ADAMTS6: variants seen among roughly 807,000 people sequenced by gnomAD.
The protein encoded by ADAMTS6 is ADAM metallopeptidase with thrombospondin type 1 motif 6.
A neutral mutation model predicts 144.3 loss-of-function variants in ADAMTS6; 23 were observed. That is an observed-to-expected ratio of 0.16 (90% CI 0.11 to 0.23). The LOEUF is 0.23. Among genes scored for constraint, ADAMTS6 ranks in the 10% least tolerant of loss-of-function variants. ADAMTS6 has a pLI of 1.00. For missense variants in ADAMTS6, 999 were observed against 1,379.6 expected (o/e 0.72, Z 4.37); for synonymous variants, 444 against 457.5 (o/e 0.97, Z 0.38).
intron 7 of ADAMTS6, among the ~76,000 whole-genome samples, chr5:65,374,793 C>T (rs1751350577): frequency 6.6e-6 from 1 of 152,178 alleles, no homozygotes; most frequent in African/African-American, 2.4e-5. Flanking sequence ...AAAGAGCCTG[C>T]ATCGCCATGT....
chr5:65,373,092 G>GGA (rs1400177051), intron 7 of ADAMTS6, among the ~76,000 whole-genome samples: 1 of 151,910 alleles, frequency 6.6e-6, no homozygotes, highest in Non-Finnish European at 1.5e-5. Flanking sequence ...AGAATCTCTG[G>GGA]GACGTATTCA....
At chr5:65,287,187 T>G (rs1291925870) in intron 11 of ADAMTS6, among the ~76,000 whole-genome samples, 1 of 152,120 alleles carries the variant, frequency 6.6e-6, no homozygotes, top group Non-Finnish European at 1.5e-5. Flanking sequence ...GAAATTCACT[T>G]AAATCCAGGA....
chr5:65,473,608 A>G lies in ADAMTS6; in HGVS notation c.66T>C (p.His22=), dbSNP rs1328869911. 6.8e-6 allele frequency: 11 copies of G among 1,613,846 alleles called. No individual in the cohort carries two copies. Among genetic ancestry groups the G allele is most frequent in the Non-Finnish European group, 9.3e-6 (11 of 1,179,750 alleles). ...AACTGTATGAAAGCCTGTGGTCACT[A>G]TGAAATTCCGATGAAGCCATGATGA... is the stretch of plus-strand genomic sequence containing the variant. ...LSLIMASSEF[H]SDHRLSYSSQ... The change falls in exon 2 of 25, where the codon CAT becomes CAC. Residue 22 remains histidine (H), a synonymous_variant. Coordinates refer to ENST00000381055, the MANE Select transcript of ADAMTS6 (RefSeq NM_197941.4).
chr5:65,185,969 T>G (rs1754657088), intron 22 of ADAMTS6, among the ~76,000 whole-genome samples: 1 of 152,242 alleles, frequency 6.6e-6, no homozygotes, highest in Non-Finnish European at 1.5e-5. Context: ...CAACTTCTTC[T>G]AGAAATTTCT....
chr5:65,454,481 T>G (rs1310870171), intron 4 of ADAMTS6, among the ~76,000 whole-genome samples: 2 of 152,180 alleles, frequency 1.3e-5, no homozygotes, highest in African/African-American at 4.8e-5. Flanking sequence ...CTATATCCAA[T>G]TTTGGCAGAC....
intron 11 of ADAMTS6, among the ~76,000 whole-genome samples, chr5:65,285,559 G>C (rs1421116449): frequency 6.6e-6 from 1 of 152,082 alleles, no homozygotes; most frequent in Non-Finnish European, 1.5e-5. Context: ...CACCTACCAT[G>C]AGCCAGGCAC....
At chr5:65,347,710 C>T (rs980806960) in intron 7 of ADAMTS6, among the ~76,000 whole-genome samples, 1 of 150,652 alleles carries the variant, frequency 6.6e-6, no homozygotes, top group Admixed American at 6.6e-5. Flanking sequence ...AGTGATAAGA[C>T]AACCTATAGA....
At chr5:65,420,510 T>C (rs1755936122) in intron 7 of ADAMTS6, among the ~76,000 whole-genome samples, 1 of 152,024 alleles carries the variant, frequency 6.6e-6, no homozygotes, top group Non-Finnish European at 1.5e-5. Flanking sequence ...GCCTCACGAG[T>C]AGCCTGGGTT....
At chr5:65,475,301 A>G (rs1580796812) in intron 1 of ADAMTS6, among the ~76,000 whole-genome samples, 1 of 152,212 alleles carries the variant, frequency 6.6e-6, no homozygotes, top group South Asian at 2.1e-4. Flanking sequence ...AATCCCTTAC[A>G]TTTGTCTCTA....
intron 9 of ADAMTS6, among the ~76,000 whole-genome samples, chr5:65,328,580 T>C (rs530497616): frequency 2.4e-4 from 36 of 152,096 alleles, no homozygotes; most frequent in African/African-American, 8.0e-4. Context: ...GTTTGTTTAG[T>C]TTTTACCTTT....
At chr5:65,429,176 G>T (rs935589398) in intron 7 of ADAMTS6, among the ~76,000 whole-genome samples, 3 of 152,118 alleles carry the variant, frequency 2.0e-5, no homozygotes, top group Non-Finnish European at 4.4e-5. Context: ...CTTCCAGAGG[G>T]TCCTCCTTAT....
At chr5:65,463,519 T>C (rs1759779399) in intron 3 of ADAMTS6, among the ~76,000 whole-genome samples, 1 of 152,182 alleles carries the variant, frequency 6.6e-6, no homozygotes, top group South Asian at 2.1e-4. Flanking sequence ...TGCTCTCACT[T>C]ACCTCAGTAT....
In ADAMTS6 at chr5:65,473,769, A is replaced by C. The variant is rs1760646597; in HGVS notation, c.-96T>G. On this transcript the variant is annotated 5_prime_UTR_variant, in exon 2 of 25. Coordinates refer to ENST00000381055, the MANE Select transcript of ADAMTS6 (RefSeq NM_197941.4). ...AAGCATAACAATTTTATTTCTTTAA[A>C]ACTTCTTGCAAATTAGTTATTGGAT... The C allele has an allele frequency of 4.2e-6, 4 of 941,984 alleles. No individual in the cohort carries two copies. Among genetic ancestry groups the C allele is most frequent in the Non-Finnish European group, 6.7e-6 (4 of 600,724 alleles). The allele number at this position is 941,984 out of a possible 1,614,324, so 58.4% of individuals were successfully genotyped here. A position where few individuals can be genotyped will look rare whatever the true frequency, so the allele number is the denominator to read the frequency against.
intron 24 of ADAMTS6, among the ~76,000 whole-genome samples, chr5:65,164,161 C>T (rs893189861): frequency 6.6e-6 from 1 of 151,898 alleles, no homozygotes; most frequent in Non-Finnish European, 1.5e-5. Context: ...TGGGCGCAGG[C>T]CAGTGGGTGC....
Position 65,356,447 on chromosome 5 carries a change from T to C in ADAMTS6, c.1074-22362A>G, listed in dbSNP as rs180773076. On this transcript the variant is annotated intron_variant, in intron 7 of 24. Coordinates refer to ENST00000381055, the MANE Select transcript of ADAMTS6 (RefSeq NM_197941.4). ...CAATTATGTCAAATGACAACTGCTA[T>C]TCTTTCCCTCTTGTTTATCTCAAAA... 2.9e-3 allele frequency among the ~76,000 whole-genome samples: 434 copies of C among 151,972 alleles called. 4 individuals carry two copies. Among genetic ancestry groups the C allele is most frequent in the African/African-American group, 9.9e-3 (413 of 41,538 alleles).
At position 65,273,342 on chromosome 5, in the gene ADAMTS6, C is replaced by A. The variant is rs1391925339; in HGVS notation, c.1618G>T (p.Gly540Trp). The stretch of plus-strand genomic sequence containing the variant: ...AGGTAGTAAATCATTGAGCTTACCC[C>A]TTTTTCAATATTCCCAGTTTGACAC... ...TLCQTGNIEK[G>W]WCYQGDCVPF... Residue 540 changes from glycine to tryptophan, a missense_variant and splice_region_variant, in exon 12 of 25, where the codon GGG (glycine) becomes TGG (tryptophan). By Grantham distance (184) the Gly-to-Trp change is radical. Coordinates refer to ENST00000381055, the MANE Select transcript of ADAMTS6 (RefSeq NM_197941.4). 6.2e-7 allele frequency: 1 copy of A among 1,613,452 alleles called. No individual in the cohort carries two copies. The highest frequency in any genetic ancestry group is 8.5e-7 in the Non-Finnish European group (1 of 1,179,504).
chr5:65,256,730 T>C (rs1760689226), intron 14 of ADAMTS6, among the ~76,000 whole-genome samples: 1 of 152,104 alleles, frequency 6.6e-6, no homozygotes, highest in Non-Finnish European at 1.5e-5. Flanking sequence ...CATATATCAT[T>C]AGGGTCTAAA....
intron 7 of ADAMTS6, among the ~76,000 whole-genome samples, chr5:65,398,840 GA>G (rs762842456): frequency 8.2e-6 from 1 of 121,302 alleles, no homozygotes; most frequent in African/African-American, 3.2e-5. Flanking sequence ...AAGAAAGAAA[GA>G]AAGAAAGAAA....
At position 65,196,043 on chromosome 5, in the gene ADAMTS6, G is replaced by T. The variant is rs569437501; in HGVS notation, c.2705+979C>A. ...TCTCATTTAAAACCATCATTAAAAT[G>T]AATGGGCTCTCTCCTTGTTAATCCC... On this transcript the variant is annotated intron_variant, in intron 21 of 24. Transcript: ENST00000381055. Among the ~76,000 whole-genome samples the T allele has an allele frequency of 5.3e-5, 8 of 152,296 alleles. No individual in the cohort carries two copies. The East Asian group carries it at 1.2e-3, about 22-fold the overall frequency.
Sources: allele counts gnomAD v4.1 joint callset (sites outside exome capture counted in the v4.1 genomes callset), GRCh38; gene constraint gnomAD v4.1.1; transcripts MANE v1.5; gene names NCBI Gene and HGNC (gene_info 2026-07-23, HGNC 2026-07-21).